The following EFCAB6 variants were observed in gnomAD, a reference collection of about 807,000 sequenced individuals.
EFCAB6 encodes EF-hand calcium binding domain 6.
EFCAB6 carries 156 observed loss-of-function variants against 169.8 expected under a neutral mutation model. The observed-to-expected ratio is 0.92, with a 90% CI of 0.81 to 1.05. The LOEUF (loss-of-function observed/expected upper bound fraction) is 1.05, where lower values mean the gene tolerates loss of function less well. EFCAB6 is among the 50% of genes least tolerant of loss of function. The pLI is 0.00. For missense variants in EFCAB6, 1,800 were observed against 1,829.1 expected, an observed-to-expected ratio of 0.98 and a Z score of 0.29; for synonymous variants, 698 against 676.4, an observed-to-expected ratio of 1.03 and a Z score of -0.50.
intron 10 of EFCAB6, among the ~76,000 whole-genome samples, chr22:43,703,069 A>G (rs2058824856): frequency 6.6e-6 from 1 of 152,138 alleles, no homozygotes; most frequent in African/African-American, 2.4e-5. Context: ...CCCTACCAGC[A>G]ATTCCATCTA....
At chr22:43,700,987 T>C (rs1189575696) in intron 10 of EFCAB6, among the ~76,000 whole-genome samples, 1 of 152,198 alleles carries the variant, frequency 6.6e-6, no homozygotes, top group Non-Finnish European at 1.5e-5. Flanking sequence ...ACATATGAAA[T>C]TTAATAAAAG....
rs757501613 is a variant in EFCAB6 at position 43,572,616 on chromosome 22, C to T, written c.3420+3681G>A. The stretch of plus-strand genomic sequence containing the variant: ...GTTGGCCCCTTCCTGTGGATGCCAT[C>T]GCACTAGCAGTGCCGGCCAGTCCCT... On this transcript the variant is annotated intron_variant, in intron 26 of 31. Coordinates refer to ENST00000262726, the MANE Select transcript of EFCAB6 (RefSeq NM_022785.4). The surrounding 1 kb of genome is among the most constrained non-coding windows in gnomAD (Gnocchi z 4.0). Among the ~76,000 whole-genome samples the T allele has an allele frequency of 6.2e-4, 94 of 152,330 alleles. No homozygotes were observed. Among genetic ancestry groups the T allele is most frequent in the Non-Finnish European group, 1.1e-3 (73 of 68,042 alleles).
intron 10 of EFCAB6, among the ~76,000 whole-genome samples, chr22:43,696,968 A>G (rs1291230650): frequency 6.6e-6 from 1 of 152,240 alleles, no homozygotes; most frequent in Non-Finnish European, 1.5e-5. Flanking sequence ...CAAAATTTTT[A>G]GACATAGAAA....
intron 23 of EFCAB6, among the ~76,000 whole-genome samples, chr22:43,592,319 C>G (rs920719989): frequency 8.5e-5 from 13 of 152,208 alleles, no homozygotes; most frequent in African/African-American, 3.1e-4. Context: ...TGTATCCCAA[C>G]AGCAGCATTT....
chr22:43,649,479 A>T (rs984909920), intron 17 of EFCAB6, among the ~76,000 whole-genome samples: 50 of 152,230 alleles, frequency 3.3e-4, no homozygotes, highest in Non-Finnish European at 5.0e-4. Flanking sequence ...TAAAAAAGCA[A>T]ATAGATAACA....
In EFCAB6 at chr22:43,602,095, G is replaced by A. The variant is rs140836385; in HGVS notation, c.2682-1832C>T. Among the ~76,000 whole-genome samples, 593 of 152,316 alleles carry A rather than the reference G, an allele frequency of 3.9e-3. 3 individuals are homozygous for A. The highest frequency in any genetic ancestry group is 0.014 in the Middle Eastern group (4 of 294). On this transcript the variant is annotated intron_variant, in intron 22 of 31. Transcript: ENST00000262726. ...TCTTCACCTGGCAAGGCCCTTTCCTGCTCCACGGATCAGTCCCTCAGCTGG... is the reference window on the plus strand; with the variant it reads ...TCTTCACCTGGCAAGGCCCTTTCCTACTCCACGGATCAGTCCCTCAGCTGG...
chr22:43,580,788 G>A (rs758944033), intron 24 of EFCAB6, 129 bp from the exon 25 acceptor site: 89 of 954,074 alleles, frequency 9.3e-5, no homozygotes, highest in South Asian at 1.9e-4. Flanking sequence ...CATTCCCTTC[G>A]CTGTACGTGC....
At chr22:43,679,956 T>A (rs980024979) in intron 12 of EFCAB6, among the ~76,000 whole-genome samples, 2 of 152,216 alleles carry the variant, frequency 1.3e-5, no homozygotes, top group Non-Finnish European at 1.5e-5. Context: ...CTTAAAGGTA[T>A]CTTTTGAAGC....
chr22:43,601,778 G>A (rs2052541615), intron 22 of EFCAB6, among the ~76,000 whole-genome samples: 1 of 152,226 alleles, frequency 6.6e-6, no homozygotes. Context: ...GCTAAAACTT[G>A]CAGAGGCTCT....
At chr22:43,705,531 T>C (rs137820) in intron 10 of EFCAB6, among the ~76,000 whole-genome samples, 36,351 of 152,066 alleles carry the variant, frequency 0.24, 4,489 homozygotes, top group Middle Eastern at 0.27. Context: ...GTACCTTTTC[T>C]GACCACAATG....
chr22:43,659,669 A>C (rs935606256), intron 17 of EFCAB6, among the ~76,000 whole-genome samples: 2 of 152,114 alleles, frequency 1.3e-5, no homozygotes, highest in Non-Finnish European at 2.9e-5. Context: ...CAAAAAAAAA[A>C]CAAAAACCTA....
At chr22:43,603,595 G>A (rs906754811) in intron 22 of EFCAB6, among the ~76,000 whole-genome samples, 2 of 152,222 alleles carry the variant, frequency 1.3e-5, no homozygotes, top group African/African-American at 4.8e-5. Flanking sequence ...AGTCCTTTCC[G>A]CTCAGTTTAG....
At chr22:43,682,817 G>C (rs2058056534) in intron 12 of EFCAB6, among the ~76,000 whole-genome samples, 1 of 152,220 alleles carries the variant, frequency 6.6e-6, no homozygotes. Flanking sequence ...TTCATTCAGA[G>C]AGACCAAGTC....
intron 26 of EFCAB6, among the ~76,000 whole-genome samples, chr22:43,557,012 T>C (rs2048748098): frequency 6.6e-6 from 1 of 152,176 alleles, no homozygotes; most frequent in African/African-American, 2.4e-5. Context: ...CATAGAGCCA[T>C]ACCTCTCAGT....
At chr22:43,739,369 T>C (rs1252779941) in intron 6 of EFCAB6, among the ~76,000 whole-genome samples, 2 of 152,090 alleles carry the variant, frequency 1.3e-5, no homozygotes, top group African/African-American at 4.8e-5. Flanking sequence ...TGGAGTCTCC[T>C]TCTCAGTCTC....
intron 2 of EFCAB6, among the ~76,000 whole-genome samples, chr22:43,808,298 T>G (rs1397265340): frequency 6.6e-6 from 1 of 152,218 alleles, no homozygotes; most frequent in Non-Finnish European, 1.5e-5. Flanking sequence ...CATCCATGAA[T>G]CTAGGTATCT....
chr22:43,713,628 G>A (rs551342361), intron 9 of EFCAB6, among the ~76,000 whole-genome samples: 12 of 152,292 alleles, frequency 7.9e-5, no homozygotes, highest in Non-Finnish European at 1.0e-4. Context: ...CCACTCCTAG[G>A]TGTAATTTCC....
At chr22:43,772,772 C>G (rs889686762) in intron 4 of EFCAB6, 120 bp downstream of exon 4, 2 of 1,074,264 alleles carry the variant, frequency 1.9e-6, no homozygotes, top group Non-Finnish European at 2.6e-6. Flanking sequence ...TTATGAAAAA[C>G]AAAACTTCAA....
At chr22:43,719,644 A>C (rs562514720) in intron 8 of EFCAB6, among the ~76,000 whole-genome samples, 49 of 152,292 alleles carry the variant, frequency 3.2e-4, no homozygotes, top group Middle Eastern at 3.4e-3. Flanking sequence ...ATTTTCCCCC[A>C]AAAAATTTGC....
Sources: gnomAD v4.1 joint callset for allele counts (sites outside exome capture counted in the v4.1 genomes callset) on GRCh38, gnomAD v4.1.1 for gene constraint, Gnocchi (gnomAD v3.1) non-coding constraint, MANE v1.5 for transcripts, NCBI Gene and HGNC (gene_info 2026-07-23, HGNC 2026-07-21) for gene names.